The following ZMAT4 variants were observed in gnomAD, a reference collection of about 807,000 sequenced individuals.
ZMAT4 encodes zinc finger matrin-type 4, also known as zinc finger matrin-type protein 4.
A neutral mutation model predicts 28.7 loss-of-function variants in ZMAT4; 17 were observed. The ratio of observed to expected loss-of-function variants is 0.59; its 90% CI spans 0.41 to 0.89. ZMAT4 has a LOEUF of 0.89. Ranked by LOEUF, ZMAT4 falls within the 40% of genes least tolerant of loss-of-function variation. ZMAT4 has a pLI of 0.00. For missense variants in ZMAT4, 240 were observed against 283.8 expected (o/e 0.85, Z 1.11); for synonymous variants, 117 against 109.2 (o/e 1.07, Z -0.44).
intron 2 of ZMAT4, among the ~76,000 whole-genome samples, chr8:40,801,351 A>ATATATATATATATATATATAT (rs1554559738): frequency 3.6e-4 from 35 of 97,232 alleles, no homozygotes; most frequent in African/African-American, 1.2e-3. Flanking sequence ...TAAAAAAAAA[A>ATATATATATATATATATATAT]ATATATATAT....
chr8:40,743,435 C>T (rs1196513608), intron 3 of ZMAT4, among the ~76,000 whole-genome samples: 1 of 152,172 alleles, frequency 6.6e-6, no homozygotes, highest in East Asian at 1.9e-4. Flanking sequence ...CAAACACTTC[C>T]CCAGGGCCAG....
intron 6 of ZMAT4, among the ~76,000 whole-genome samples, chr8:40,548,995 G>A (rs748079896): frequency 5.3e-5 from 8 of 152,126 alleles, no homozygotes; most frequent in African/African-American, 7.2e-5. Flanking sequence ...ATGTTGAAAC[G>A]TAATCCCCAG....
chr8:40,838,648 A>T (rs572849662), intron 1 of ZMAT4, among the ~76,000 whole-genome samples: 117 of 152,108 alleles, frequency 7.7e-4, no homozygotes, highest in Non-Finnish European at 7.8e-4. Flanking sequence ...CATCCTGCCC[A>T]CCTACCATGG....
chr8:40,543,102 T>A (rs1231575815), intron 6 of ZMAT4, among the ~76,000 whole-genome samples: 1 of 152,190 alleles, frequency 6.6e-6, no homozygotes, highest in Non-Finnish European at 1.5e-5. Context: ...CTTTTTTTTT[T>A]TCTCCTTCAG....
chr8:40,778,321 T>G (rs1008615877), intron 2 of ZMAT4, among the ~76,000 whole-genome samples: 1 of 152,208 alleles, frequency 6.6e-6, no homozygotes, highest in African/African-American at 2.4e-5. Flanking sequence ...CTGAAAAAAG[T>G]GATCAGCGAA....
intron 3 of ZMAT4, among the ~76,000 whole-genome samples, chr8:40,734,859 A>G (rs1250994629): frequency 6.6e-6 from 1 of 152,260 alleles, no homozygotes; most frequent in African/African-American, 2.4e-5. Context: ...CTCTAAAGAC[A>G]TTAATACAGA....
At chr8:40,817,994 T>A (rs1586105941) in intron 2 of ZMAT4, among the ~76,000 whole-genome samples, 1 of 152,318 alleles carries the variant, frequency 6.6e-6, no homozygotes, top group Admixed American at 6.5e-5. Context: ...TAAAATCCAC[T>A]AAGTGACATC....
intron 2 of ZMAT4, among the ~76,000 whole-genome samples, chr8:40,780,552 C>A (rs1420417619): frequency 6.6e-6 from 1 of 151,624 alleles, no homozygotes; most frequent in Admixed American, 6.6e-5. Flanking sequence ...GGCACAAAAC[C>A]AAGTGAAACA....
At chr8:40,696,543 A>G (rs897255012) in intron 4 of ZMAT4, among the ~76,000 whole-genome samples, 3 of 152,214 alleles carry the variant, frequency 2.0e-5, no homozygotes, top group Non-Finnish European at 4.4e-5. Context: ...TTAAATTATA[A>G]CAGTGTTTTA....
intron 3 of ZMAT4, among the ~76,000 whole-genome samples, chr8:40,739,808 G>T (rs1465569784): frequency 6.6e-6 from 1 of 151,952 alleles, no homozygotes; most frequent in Non-Finnish European, 1.5e-5. Context: ...CCTCCCACCC[G>T]CCGACAGGCC....
chr8:40,614,186 G>A (rs28535749), intron 5 of ZMAT4, among the ~76,000 whole-genome samples: 31,368 of 152,124 alleles, frequency 0.21, 3,358 homozygotes, highest in Middle Eastern at 0.26. Flanking sequence ...TGCAAAGGAA[G>A]TGTCAGCATT....
intron 1 of ZMAT4, among the ~76,000 whole-genome samples, chr8:40,896,890 G>A (rs1036543494): frequency 7.2e-5 from 11 of 151,926 alleles, no homozygotes; most frequent in African/African-American, 2.4e-4. Context: ...GGGATGCTCC[G>A]GGCCAGGCAC....
At chr8:40,873,739 T>A (rs1817943387) in intron 1 of ZMAT4, among the ~76,000 whole-genome samples, 1 of 152,148 alleles carries the variant, frequency 6.6e-6, no homozygotes, top group African/African-American at 2.4e-5. Flanking sequence ...TCCCAGAGGA[T>A]CTTAAAATGG....
At chr8:40,629,002 C>G (rs940496820) in intron 5 of ZMAT4, among the ~76,000 whole-genome samples, 5 of 60,868 alleles carry the variant, frequency 8.2e-5, no homozygotes, top group Non-Finnish European at 2.1e-4. Context: ...CTCGAGCTTT[C>G]TTTTCTTTTT....
At chr8:40,538,885 G>C (rs1282711065) in intron 6 of ZMAT4, among the ~76,000 whole-genome samples, 3 of 151,626 alleles carry the variant, frequency 2.0e-5, no homozygotes, top group African/African-American at 7.3e-5. Flanking sequence ...TCCTGGGTTC[G>C]AGCGATTCTC....
chr8:40,846,936 G>A (rs1816923658), intron 1 of ZMAT4, among the ~76,000 whole-genome samples: 1 of 152,198 alleles, frequency 6.6e-6, no homozygotes, highest in African/African-American at 2.4e-5. Context: ...GCCAGGCACA[G>A]TGGCTCATGC....
chr8:40,699,552 C>G (rs997649276), intron 3 of ZMAT4, among the ~76,000 whole-genome samples: 1 of 150,630 alleles, frequency 6.6e-6, no homozygotes, highest in Non-Finnish European at 1.5e-5. Flanking sequence ...ATTGAATCAA[C>G]ATAAGTGTCC....
At chr8:40,729,820 A>G (rs1191603323) in intron 3 of ZMAT4, among the ~76,000 whole-genome samples, 7 of 152,160 alleles carry the variant, frequency 4.6e-5, no homozygotes, top group Non-Finnish European at 1.0e-4. Flanking sequence ...GATGGTCTCA[A>G]TCTCTTGACC....
intron 1 of ZMAT4, among the ~76,000 whole-genome samples, chr8:40,850,479 G>T (rs1287593489): frequency 6.6e-6 from 1 of 152,194 alleles, no homozygotes; most frequent in Non-Finnish European, 1.5e-5. Context: ...GTCATGGAAA[G>T]TCTCTGTTTA....
Sources: allele counts gnomAD v4.1 joint callset (sites outside exome capture counted in the v4.1 genomes callset), GRCh38; gene constraint gnomAD v4.1.1; transcripts MANE v1.5; gene names NCBI Gene and HGNC (gene_info 2026-07-23, HGNC 2026-07-21).